Variants in NT5DC3 observed in about 807,000 individuals in gnomAD.
NT5DC3 encodes the protein 5'-nucleotidase domain containing 3.
A neutral mutation model predicts 67.8 loss-of-function variants in NT5DC3; 42 were observed. The observed-to-expected ratio is 0.62, with a 90% CI of 0.48 to 0.80. The LOEUF is 0.80. NT5DC3 is among the 30% of genes least tolerant of loss of function. NT5DC3 has a pLI of 0.00. For missense variants in NT5DC3, 570 were observed against 696.4 expected (o/e 0.82, Z 2.04); for synonymous variants, 237 against 255.6 (o/e 0.93, Z 0.69).
intron 1 of NT5DC3, among the ~76,000 whole-genome samples, chr12:103,829,031 C>T (rs1566129290): frequency 6.6e-6 from 1 of 152,156 alleles, no homozygotes. Context: ...TTACCACATA[C>T]ATGTGTGTCC....
At chr12:103,758,293 A>G in the NT5DC3 span, 1 of 1,613,176 alleles carries the variant, frequency 6.2e-7, no homozygotes, top group Non-Finnish European at 8.5e-7. Flanking sequence ...GAATGAGGTG[A>G]GTTGAGTCCC....
chr12:103,816,318 T>A (rs1483990271), intron 1 of NT5DC3, among the ~76,000 whole-genome samples: 1 of 152,258 alleles, frequency 6.6e-6, no homozygotes, highest in Non-Finnish European at 1.5e-5. Context: ...CATGTCAGCA[T>A]GCAAAAGTTT....
At position 103,827,850 on chromosome 12, in the gene NT5DC3, A is replaced by G. The variant is rs907708555; in HGVS notation, c.209-12729T>C. 9.2e-5 allele frequency among the ~76,000 whole-genome samples: 14 copies of G among 152,378 alleles called. 1 individual carries two copies. The highest frequency in any genetic ancestry group is 2.0e-4 in the Admixed American group (3 of 15,304). On this transcript the variant is annotated intron_variant, in intron 1 of 13. Coordinates refer to ENST00000392876, the MANE Select transcript of NT5DC3 (RefSeq NM_001031701.3). Reference sequence around the variant, plus strand: ...TCTTCTAAGTACTTATTTGCAAAGAAGATTTTTTTAAAGCTTTTGTTTTCC... The same window carrying G: ...TCTTCTAAGTACTTATTTGCAAAGAGGATTTTTTTAAAGCTTTTGTTTTCC...
At chr12:103,788,985 A>G (rs889228725) in intron 9 of NT5DC3, 66 bp from the exon 10 acceptor site, 1 of 1,061,526 alleles carries the variant, frequency 9.4e-7, no homozygotes, top group Non-Finnish European at 1.5e-6. Context: ...ATGAAATACC[A>G]GTTATTCACT....
chr12:103,746,945 CTTTCT>C, the NT5DC3 span, among the ~76,000 whole-genome samples: 3 of 113,880 alleles, frequency 2.6e-5, no homozygotes, highest in African/African-American at 8.9e-5. Context: ...GAATGTTTTT[CTTTCT>C]TTTTTTTTTT....
At chr12:103,829,583 C>G (rs1026610531) in intron 1 of NT5DC3, among the ~76,000 whole-genome samples, 1 of 152,176 alleles carries the variant, frequency 6.6e-6, no homozygotes, top group Non-Finnish European at 1.5e-5. Context: ...TCTGATCTGA[C>G]AATCTGTCTT....
intron 1 of NT5DC3, chr12:103,819,609 C>A (rs1887407593): frequency 6.6e-6 from 1 of 152,244 alleles, no homozygotes. Flanking sequence ...CACCCTCCAG[C>A]ACACAGTGTG....
At chr12:103,758,680 G>C in the NT5DC3 span, among the ~76,000 whole-genome samples, 4 of 152,216 alleles carry the variant, frequency 2.6e-5, no homozygotes, top group Non-Finnish European at 5.9e-5. Context: ...AAGTCAGCAT[G>C]GGGGGCAAAG....
the NT5DC3 span, chr12:103,750,705 G>C: frequency 6.2e-7 from 1 of 1,613,598 alleles, no homozygotes; most frequent in Non-Finnish European, 8.5e-7. Flanking sequence ...CAAATGTGTC[G>C]ACCTCCACTT....
the NT5DC3 span, among the ~76,000 whole-genome samples, chr12:103,748,257 GTCT>G: frequency 6.6e-6 from 1 of 152,160 alleles, no homozygotes; most frequent in Non-Finnish European, 1.5e-5. Flanking sequence ...CTTAGAATGA[GTCT>G]TCTTGTCCTT....
intron 9 of NT5DC3, among the ~76,000 whole-genome samples, chr12:103,791,137 C>A (rs1886039644): frequency 6.6e-6 from 1 of 152,066 alleles, no homozygotes; most frequent in African/African-American, 2.4e-5. Context: ...GAGAATTATT[C>A]AGCTCTTACC....
chr12:103,771,086 G>T (rs1885171429), downstream of NT5DC3: 1 of 152,214 alleles, frequency 6.6e-6, no homozygotes, highest in South Asian at 2.1e-4. Flanking sequence ...TCAGCATATG[G>T]TATTTTGTTA....
At chr12:103,789,880 A>G (rs4300459) in intron 9 of NT5DC3, among the ~76,000 whole-genome samples, 111,473 of 152,094 alleles carry the variant, frequency 0.73, 41,147 homozygotes, top group East Asian at 0.9. Flanking sequence ...AAAGGTACGC[A>G]ACCCAGAATT....
At chr12:103,805,207 T>C (rs1028737898) in intron 4 of NT5DC3, among the ~76,000 whole-genome samples, 1 of 152,122 alleles carries the variant, frequency 6.6e-6, no homozygotes, top group Non-Finnish European at 1.5e-5. Flanking sequence ...TAAGTCCTTA[T>C]CTACCACAGC....
At chr12:103,811,607 A>C (rs1887035108) in intron 2 of NT5DC3, among the ~76,000 whole-genome samples, 1 of 152,236 alleles carries the variant, frequency 6.6e-6, no homozygotes, top group African/African-American at 2.4e-5. Flanking sequence ...CCTGAGAGAC[A>C]TGACAACTAA....
chr12:103,819,051 C>T (rs889031696), intron 1 of NT5DC3, among the ~76,000 whole-genome samples: 3 of 152,162 alleles, frequency 2.0e-5, no homozygotes, highest in Admixed American at 6.5e-5. Flanking sequence ...CTTCCTGCTA[C>T]CTCAGAAGAC....
At chr12:103,763,645 G>A in the NT5DC3 span, 2 of 1,549,778 alleles carry the variant, frequency 1.3e-6, no homozygotes, top group Middle Eastern at 3.4e-4. Flanking sequence ...AGGTTCCCTT[G>A]GGGTACAGGG....
intron 5 of NT5DC3, among the ~76,000 whole-genome samples, chr12:103,797,710 A>C (rs1886381039): frequency 6.6e-6 from 1 of 152,148 alleles, no homozygotes; most frequent in Non-Finnish European, 1.5e-5. Flanking sequence ...AACTCATGTA[A>C]TTCTCCTGAA....
chr12:103,824,540 AGGTG>A (rs1385304411), intron 1 of NT5DC3, among the ~76,000 whole-genome samples: 3 of 152,200 alleles, frequency 2.0e-5, no homozygotes, highest in Admixed American at 6.5e-5. Context: ...GCCACTCCTG[AGGTG>A]GGTACCAGAT....
Sources: gnomAD v4.1 joint callset for allele counts (sites outside exome capture counted in the v4.1 genomes callset) on GRCh38, gnomAD v4.1.1 for gene constraint, MANE v1.5 for transcripts, NCBI Gene and HGNC (gene_info 2026-07-23, HGNC 2026-07-21) for gene names.